The following CDH13 variants were observed in gnomAD, a reference collection of about 807,000 sequenced individuals.
The protein encoded by CDH13 is cadherin-13.
CDH13 carries 24 observed loss-of-function variants against 63.8 expected under a neutral mutation model. That is an observed-to-expected ratio of 0.38 (90% CI 0.27 to 0.53). CDH13 has a LOEUF of 0.53. CDH13 is among the 20% of genes least tolerant of loss of function. The pLI is 0.85. For missense variants in CDH13, 1,049 were observed against 903.1 expected, an observed-to-expected ratio of 1.16 and a Z score of -2.07; for synonymous variants, 503 against 355.3, an observed-to-expected ratio of 1.42 and a Z score of -4.67.
At chr16:82,875,764 T>A (rs1021163330) in intron 2 of CDH13, among the ~76,000 whole-genome samples, 1 of 152,180 alleles carries the variant, frequency 6.6e-6, no homozygotes, top group Non-Finnish European at 1.5e-5. Context: ...AACTAGCTAT[T>A]TGCATGCAAT....
At chr16:83,565,286 G>C (rs780332614) in intron 7 of CDH13, among the ~76,000 whole-genome samples, 1 of 151,382 alleles carries the variant, frequency 6.6e-6, no homozygotes, top group Non-Finnish European at 1.5e-5. Context: ...AAGAGTTCTC[G>C]AAGCCCTCAT....
intron 6 of CDH13, among the ~76,000 whole-genome samples, chr16:83,357,559 G>C (rs1013030331): frequency 3.3e-5 from 5 of 152,146 alleles, no homozygotes; most frequent in Non-Finnish European, 5.9e-5. Context: ...TGGAGCAGTG[G>C]TCCAAGTTTG....
intron 5 of CDH13, among the ~76,000 whole-genome samples, chr16:83,253,979 C>A (rs182435175): frequency 6.6e-6 from 1 of 152,286 alleles, no homozygotes; most frequent in Admixed American, 6.5e-5. Flanking sequence ...CAGAGTCAAT[C>A]TTAGATAGAG....
At chr16:83,466,241 C>G (rs949743992) in intron 6 of CDH13, among the ~76,000 whole-genome samples, 1 of 152,178 alleles carries the variant, frequency 6.6e-6, no homozygotes, top group Non-Finnish European at 1.5e-5. Flanking sequence ...ACTGTTGTGC[C>G]AAACCCTATT....
chr16:83,191,953 A>G (rs183393046), intron 4 of CDH13, among the ~76,000 whole-genome samples: 1 of 152,278 alleles, frequency 6.6e-6, no homozygotes, highest in East Asian at 1.9e-4. Context: ...GTTGAGGCTC[A>G]GTATTAACCA....
At chr16:83,676,067 C>T (rs1275509780) in intron 9 of CDH13, among the ~76,000 whole-genome samples, 1 of 152,070 alleles carries the variant, frequency 6.6e-6, no homozygotes, top group African/African-American at 2.4e-5. Flanking sequence ...ATGACATCCC[C>T]AGGAAAGAAG....
chr16:82,711,490 C>T (rs2031941320), intron 1 of CDH13, among the ~76,000 whole-genome samples: 1 of 152,106 alleles, frequency 6.6e-6, no homozygotes, highest in Non-Finnish European at 1.5e-5. Flanking sequence ...CTGTTTTAGG[C>T]ATGTGGGTTC....
intron 1 of CDH13, among the ~76,000 whole-genome samples, chr16:82,649,723 G>T (rs1024442690): frequency 6.6e-6 from 1 of 152,058 alleles, no homozygotes; most frequent in South Asian, 2.1e-4. Flanking sequence ...AGGGTAAGAA[G>T]ACATGGAAAA....
At chr16:82,858,174 T>G (rs2039779802) in intron 1 of CDH13, among the ~76,000 whole-genome samples, 188 bp from the exon 2 acceptor site, 1 of 152,238 alleles carries the variant, frequency 6.6e-6, no homozygotes, top group Non-Finnish European at 1.5e-5. Context: ...CTGTTCCATT[T>G]GCGTATTCTC....
At chr16:82,708,512 C>T (rs1467333772) in intron 1 of CDH13, among the ~76,000 whole-genome samples, 1 of 152,172 alleles carries the variant, frequency 6.6e-6, no homozygotes, top group Non-Finnish European at 1.5e-5. Context: ...TCTGTCTCTC[C>T]ACCAGCTTCC....
chr16:82,707,820 T>C (rs1157983349), intron 1 of CDH13, among the ~76,000 whole-genome samples: 3 of 152,176 alleles, frequency 2.0e-5, no homozygotes, highest in African/African-American at 7.2e-5. Context: ...TCAAGGTTCT[T>C]TTGGTTTCAG....
At chr16:82,848,411 T>G (rs940368143) in intron 1 of CDH13, among the ~76,000 whole-genome samples, 1 of 152,244 alleles carries the variant, frequency 6.6e-6, no homozygotes, top group African/African-American at 2.4e-5. Flanking sequence ...AACTCTGCAC[T>G]GAGCAAGTTT....
At position 82,627,663 on chromosome 16, in the gene CDH13, G is replaced by C. The variant is rs565752043; in HGVS notation, c.45+526G>C. On this transcript the variant is annotated intron_variant, in intron 1 of 13. Coordinates refer to ENST00000567109, the MANE Select transcript of CDH13 (RefSeq NM_001257.5). The stretch of plus-strand genomic sequence containing the variant: ...GCGCCCGGGCCCCCTGGTACAGCCC[G>C]GCTGCCCGCTGGAAGGCGCCTCGGG... 5.8e-4 allele frequency among the ~76,000 whole-genome samples: 88 copies of C among 152,044 alleles called. 1 individual carries two copies. The highest frequency in any genetic ancestry group is 1.1e-3 in the Non-Finnish European group (77 of 67,986).
chr16:83,659,413 C>G (rs1913234703), intron 8 of CDH13, among the ~76,000 whole-genome samples: 1 of 152,256 alleles, frequency 6.6e-6, no homozygotes, highest in African/African-American at 2.4e-5. Flanking sequence ...GGTCCCATGT[C>G]CTCACCAGCA....
In CDH13 at chr16:82,834,579, A is replaced by G. The variant is rs533078756; in HGVS notation, c.46-23783A>G. On this transcript the variant is annotated intron_variant, in intron 1 of 13. Transcript: ENST00000567109. ...AGCCCACAGCCCACAGCCCACAGCC[A>G]CTGTGGGTCGAGTTATACTTTGCCT... is the stretch of plus-strand genomic sequence containing the variant. Among the ~76,000 whole-genome samples, 713 of 146,660 alleles carry G rather than the reference A, an allele frequency of 4.9e-3. 5 individuals carry two copies. Among genetic ancestry groups the G allele is most frequent in the Non-Finnish European group, 8.4e-3 (567 of 67,880 alleles).
intron 6 of CDH13, among the ~76,000 whole-genome samples, chr16:83,379,921 A>ATG (rs1567629618): frequency 2.1e-5 from 2 of 97,426 alleles, no homozygotes; most frequent in African/African-American, 7.1e-5. Flanking sequence ...GTGTGTGTGT[A>ATG]TATATATATA....
intron 7 of CDH13, among the ~76,000 whole-genome samples, chr16:83,513,760 T>C (rs2074631034): frequency 6.6e-6 from 1 of 152,162 alleles, no homozygotes; most frequent in Admixed American, 6.5e-5. Flanking sequence ...TTATGGGAAC[T>C]ACAATTCAAG....
At chr16:82,655,453 A>C (rs1911189217) in intron 1 of CDH13, among the ~76,000 whole-genome samples, 1 of 152,196 alleles carries the variant, frequency 6.6e-6, no homozygotes, top group Admixed American at 6.5e-5. Flanking sequence ...AGCAAAAAGC[A>C]AGTGCAAAGT....
chr16:82,947,333 C>G (rs796261772), intron 2 of CDH13, among the ~76,000 whole-genome samples: 26 of 151,928 alleles, frequency 1.7e-4, no homozygotes, highest in African/African-American at 5.6e-4. Flanking sequence ...GAGTGTGTAC[C>G]CAGGAGGTGA....
Sources: allele counts gnomAD v4.1 joint callset (sites outside exome capture counted in the v4.1 genomes callset), GRCh38; gene constraint gnomAD v4.1.1; transcripts MANE v1.5; gene names NCBI Gene and HGNC (gene_info 2026-07-23, HGNC 2026-07-21).